The following ARL15 variants were observed in gnomAD, a reference collection of about 807,000 sequenced individuals.
ARL15 encodes the protein ADP-ribosylation factor-like protein 15.
In ARL15, 19 loss-of-function variants were observed where a neutral mutation model predicts 25.2. The ratio of observed to expected loss-of-function variants is 0.75; its 90% confidence interval spans 0.53 to 1.10. The LOEUF (loss-of-function observed/expected upper bound fraction) is 1.10, where lower values mean the gene tolerates loss of function less well. Ranked by LOEUF, ARL15 falls within the 50% of genes least tolerant of loss-of-function variation. The pLI is 0.00. For missense variants in ARL15, 220 were observed against 246.0 expected, an observed-to-expected ratio of 0.89 and a Z score of 0.71; for synonymous variants, 94 against 86.8, an observed-to-expected ratio of 1.08 and a Z score of -0.46.
At chr5:53,968,456 T>C (rs935955585) in intron 4 of ARL15, among the ~76,000 whole-genome samples, 1 of 152,118 alleles carries the variant, frequency 6.6e-6, no homozygotes, top group Non-Finnish European at 1.5e-5. Flanking sequence ...CATGAAGACA[T>C]CTTAAAACTG....
At chr5:54,069,694 C>T (rs1226493045) in intron 4 of ARL15, among the ~76,000 whole-genome samples, 7 of 151,614 alleles carry the variant, frequency 4.6e-5, no homozygotes, top group Non-Finnish European at 1.0e-4. Flanking sequence ...GTCACCCACG[C>T]TGGAGTACAG....
At chr5:54,142,453 G>A (rs943766622) in intron 3 of ARL15, among the ~76,000 whole-genome samples, 3 of 152,134 alleles carry the variant, frequency 2.0e-5, no homozygotes, top group African/African-American at 4.8e-5. Flanking sequence ...CTAGACGACA[G>A]AGACAAAGTA....
chr5:54,139,577 G>C (rs1421733029), intron 3 of ARL15, among the ~76,000 whole-genome samples: 1 of 152,106 alleles, frequency 6.6e-6, no homozygotes, highest in Non-Finnish European at 1.5e-5. Context: ...TACACTACTT[G>C]GGTAATGGGT....
chr5:54,166,147 A>T (rs1257824801), intron 2 of ARL15, among the ~76,000 whole-genome samples: 2 of 152,114 alleles, frequency 1.3e-5, no homozygotes, highest in Non-Finnish European at 2.9e-5. Context: ...CAATTTTATT[A>T]TGATGTGCCT....
intron 1 of ARL15, among the ~76,000 whole-genome samples, chr5:54,242,651 C>A (rs1029552878): frequency 2.6e-5 from 4 of 152,136 alleles, no homozygotes; most frequent in African/African-American, 9.7e-5. Flanking sequence ...ATCTTGCCAC[C>A]AGGAAGGGAA....
At chr5:53,955,128 C>T (rs1009136893) in intron 4 of ARL15, among the ~76,000 whole-genome samples, 1 of 150,290 alleles carries the variant, frequency 6.7e-6, no homozygotes, top group Non-Finnish European at 1.5e-5. Context: ...AGAACCTGCC[C>T]CTCCACCTAA....
At chr5:54,262,342 G>A (rs1335764709) in intron 1 of ARL15, among the ~76,000 whole-genome samples, 1 of 152,086 alleles carries the variant, frequency 6.6e-6, no homozygotes, top group African/African-American at 2.4e-5. Flanking sequence ...AGAAGAGAAG[G>A]CCCAGATTAT....
chr5:54,076,422 AG>A lies in ARL15; in HGVS notation c.462+36779del, dbSNP rs1457027566. ...GGCGACAGAGCGAGACTCCGTCTCA[AG>A]AAAAAAAAAAAGAAAAAGAAAAAAA... is the stretch of plus-strand genomic sequence containing the variant. On this transcript the variant is annotated intron_variant, in intron 4 of 4. Transcript: ENST00000504924. Among the ~76,000 whole-genome samples the A allele has an allele frequency of 4.4e-4, 66 of 150,976 alleles. 2 individuals are homozygous for A. Among genetic ancestry groups the A allele is most frequent in the Admixed American group, 4.4e-3 (66 of 15,108 alleles).
chr5:53,939,692 G>A (rs1746471437), intron 4 of ARL15, among the ~76,000 whole-genome samples: 1 of 151,544 alleles, frequency 6.6e-6, no homozygotes, highest in South Asian at 2.1e-4. Context: ...CCGAGATCCC[G>A]CTACTGCACT....
At chr5:54,121,878 C>A (rs1753088058) in intron 3 of ARL15, among the ~76,000 whole-genome samples, 1 of 152,288 alleles carries the variant, frequency 6.6e-6, no homozygotes, top group African/African-American at 2.4e-5. Flanking sequence ...TTTTTTCACA[C>A]AGTACGTAGA....
chr5:54,109,010 A>G (rs1202565811), intron 4 of ARL15, among the ~76,000 whole-genome samples: 2 of 152,096 alleles, frequency 1.3e-5, no homozygotes, highest in Non-Finnish European at 2.9e-5. Flanking sequence ...CATTACAAAA[A>G]TACTTGCAAA....
chr5:53,982,438 TG>T (rs1171308117), intron 4 of ARL15, among the ~76,000 whole-genome samples: 1 of 151,684 alleles, frequency 6.6e-6, no homozygotes, highest in East Asian at 1.9e-4. Flanking sequence ...ATGAGGTGTT[TG>T]GTTTTTTGTT....
At chr5:54,022,862 CT>C (rs745908674) in intron 4 of ARL15, among the ~76,000 whole-genome samples, 2 of 152,174 alleles carry the variant, frequency 1.3e-5, no homozygotes, top group Admixed American at 6.5e-5. Flanking sequence ...CCCTTCACCC[CT>C]ATGCCCTTCT....
intron 4 of ARL15, among the ~76,000 whole-genome samples, chr5:53,921,958 C>T (rs1304704066): frequency 1.3e-5 from 2 of 152,164 alleles, no homozygotes; most frequent in Admixed American, 1.3e-4. Flanking sequence ...TTCAGTTTTG[C>T]AGACATACCA....
intron 1 of ARL15, among the ~76,000 whole-genome samples, chr5:54,215,985 TTAAA>T (rs1452530762): frequency 1.3e-5 from 2 of 152,176 alleles, no homozygotes; most frequent in African/African-American, 4.8e-5. Context: ...TTGAACTCCT[TTAAA>T]TATTACAAAC....
At chr5:54,075,569 C>T (rs73112689) in intron 4 of ARL15, 35,241 of 152,578 alleles carry the variant, frequency 0.23, 4,668 homozygotes, top group African/African-American at 0.36. Flanking sequence ...CCTCCACCTC[C>T]TCCGCCTCCT....
At chr5:54,286,357 A>T (rs1758180083) in intron 1 of ARL15, 1 of 152,220 alleles carries the variant, frequency 6.6e-6, no homozygotes, top group African/African-American at 2.4e-5. Context: ...TATACTTCCA[A>T]GCAATCTACC....
chr5:54,241,240 C>A (rs566460232), intron 1 of ARL15, among the ~76,000 whole-genome samples: 1 of 152,144 alleles, frequency 6.6e-6, no homozygotes, highest in South Asian at 2.1e-4. Flanking sequence ...ATTTAGATTA[C>A]CCTGGTAACC....
rs114564850 is a variant in ARL15, at chr5:54,051,364, G to A, written c.462+61838C>T. Among the ~76,000 whole-genome samples the A allele has an allele frequency of 7.0e-3, 1,061 of 152,272 alleles. 12 individuals carry two copies. The highest frequency in any genetic ancestry group is 0.025 in the African/African-American group (1,019 of 41,548). On this transcript the variant is annotated intron_variant, in intron 4 of 4. Coordinates refer to ENST00000504924, the MANE Select transcript of ARL15 (RefSeq NM_019087.3). ...TGAAGTTAAGTCTGAATTCTTAATC[G>A]ACCCTCACACTTACAACATGCAGCT...
Sources: allele counts gnomAD v4.1 joint callset (sites outside exome capture counted in the v4.1 genomes callset), GRCh38; gene constraint gnomAD v4.1.1; transcripts MANE v1.5; gene names NCBI Gene and HGNC (gene_info 2026-07-23, HGNC 2026-07-21).